Variants in RELN observed in about 807,000 individuals in gnomAD.
RELN encodes reelin.
In RELN, 108 loss-of-function variants were observed where a neutral mutation model predicts 427.6. The observed-to-expected ratio is 0.25, with a 90% CI of 0.22 to 0.30. The LOEUF is 0.30. Among genes scored for constraint, RELN ranks in the 10% least tolerant of loss-of-function variants. RELN has a pLI of 1.00. For synonymous variants in RELN, 1,524 were observed against 1,513.4 expected (o/e 1.01, Z -0.16); for missense variants, 3,715 against 4,302.8 (o/e 0.86, Z 3.82).
At chr7:103,584,934 G>A (rs2117228472) in intron 28 of RELN, among the ~76,000 whole-genome samples, 2 of 152,074 alleles carry the variant, frequency 1.3e-5, no homozygotes, top group South Asian at 4.1e-4. Flanking sequence ...TAAATTACAT[G>A]GAAACTAAAC....
At chr7:103,520,773 G>A (rs1829681125) in intron 48 of RELN, among the ~76,000 whole-genome samples, 1 of 151,926 alleles carries the variant, frequency 6.6e-6, no homozygotes, top group African/African-American at 2.4e-5. Context: ...AGTTCTAAGT[G>A]AGGAAAAGTA....
chr7:103,940,657 C>T (rs558979497), intron 1 of RELN, among the ~76,000 whole-genome samples: 57 of 152,310 alleles, frequency 3.7e-4, no homozygotes, highest in Non-Finnish European at 6.5e-4. Context: ...AGGCATAAAC[C>T]TCTCATATCC....
At chr7:103,880,485 A>C (rs1433828848) in intron 2 of RELN, among the ~76,000 whole-genome samples, 2 of 152,058 alleles carry the variant, frequency 1.3e-5, no homozygotes, top group East Asian at 1.9e-4. Context: ...CATTTGTCTA[A>C]ATTCAGTGGA....
chr7:103,952,622 T>A (rs149157257), intron 1 of RELN, among the ~76,000 whole-genome samples: 1 of 152,244 alleles, frequency 6.6e-6, no homozygotes, highest in South Asian at 2.1e-4. Flanking sequence ...TTGAAATGTG[T>A]CACTGCAAAT....
chr7:103,632,239 T>C (rs60942920), intron 19 of RELN, among the ~76,000 whole-genome samples: 40,721 of 152,116 alleles, frequency 0.27, 5,938 homozygotes, highest in Middle Eastern at 0.42. Flanking sequence ...TTGGCTTCTA[T>C]GTGTCTCAGC....
At chr7:103,501,487 T>C (rs895468925) in intron 52 of RELN, among the ~76,000 whole-genome samples, 4 of 152,236 alleles carry the variant, frequency 2.6e-5, no homozygotes, top group African/African-American at 9.6e-5. Context: ...ATTTCATCTT[T>C]GTTCTTCTCT....
At chr7:103,528,984 A>T (rs973760823) in intron 46 of RELN, among the ~76,000 whole-genome samples, 4 of 151,948 alleles carry the variant, frequency 2.6e-5, no homozygotes, top group African/African-American at 9.7e-5. Flanking sequence ...AAAAATACAA[A>T]AATTAGCTGG....
At chr7:103,858,715 T>C (rs1167463985) in intron 2 of RELN, among the ~76,000 whole-genome samples, 1 of 152,204 alleles carries the variant, frequency 6.6e-6, no homozygotes, top group Non-Finnish European at 1.5e-5. Flanking sequence ...CCTTGATTAC[T>C]CAGGCTTGAA....
chr7:103,589,838 G>A lies in RELN; in HGVS notation c.3913-10C>T, dbSNP rs759409873. 126 of 1,544,484 alleles carry A rather than the reference G, an allele frequency of 8.2e-5. No individual in the cohort carries two copies. The highest frequency in any genetic ancestry group is 1.1e-4 in the Non-Finnish European group (118 of 1,116,850). On this transcript the variant is annotated splice_polypyrimidine_tract_variant and intron_variant, in intron 27 of 64. Coordinates refer to ENST00000428762, the MANE Select transcript of RELN (RefSeq NM_005045.4). ...CACAACCTATGTTTAGCTGTTAAAAGGAAGGACAAGAATTATACAAGATTT... is the reference window on the plus strand; with the variant it reads ...CACAACCTATGTTTAGCTGTTAAAAAGAAGGACAAGAATTATACAAGATTT...
intron 3 of RELN, among the ~76,000 whole-genome samples, chr7:103,822,083 C>T (rs1032353533): frequency 6.6e-6 from 1 of 151,954 alleles, no homozygotes; most frequent in Non-Finnish European, 1.5e-5. Context: ...CATCAATATG[C>T]ACTGATTTAA....
At position 103,642,349 on chromosome 7, in the gene RELN, G is replaced by GTTT. The variant is rs201250403; in HGVS notation, c.2003-1743_2003-1741dup. On this transcript the variant is annotated intron_variant, in intron 16 of 64. Transcript: ENST00000428762. Reference sequence around the variant, plus strand: ...AGTGAAATGGGAGAGATTTCATAGTGTTTTTTTTTTTTTTTTTTGGCAAGT... The same window carrying GTTT: ...AGTGAAATGGGAGAGATTTCATAGTGTTTTTTTTTTTTTTTTTTTTTGGCAAGT... Among the ~76,000 whole-genome samples, 153 of 112,748 alleles carry GTTT rather than the reference G, an allele frequency of 1.4e-3. 2 individuals carry two copies. Among genetic ancestry groups the GTTT allele is most frequent in the South Asian group, 2.5e-3 (8 of 3,230 alleles). 74.0% of individuals were successfully genotyped at this position (112,748 alleles called of 152,430 possible).
chr7:103,584,135 A>G (rs1003171614), intron 28 of RELN, among the ~76,000 whole-genome samples: 2 of 152,224 alleles, frequency 1.3e-5, no homozygotes, highest in Non-Finnish European at 2.9e-5. Flanking sequence ...AAGGTCCCCC[A>G]GTTCTCTAGC....
intron 3 of RELN, among the ~76,000 whole-genome samples, chr7:103,832,202 C>T (rs979202205): frequency 3.3e-5 from 5 of 152,100 alleles, no homozygotes; most frequent in Non-Finnish European, 5.9e-5. Context: ...ACAGGTTTTA[C>T]GGGATTTTGT....
intron 6 of RELN, among the ~76,000 whole-genome samples, chr7:103,742,796 C>A (rs1790702358): frequency 6.6e-6 from 1 of 152,284 alleles, no homozygotes; most frequent in Middle Eastern, 3.4e-3. Flanking sequence ...ACTGGTGTAC[C>A]TGAAGTGACG....
At chr7:103,859,896 A>G (rs772338073) in intron 2 of RELN, among the ~76,000 whole-genome samples, 6 of 152,210 alleles carry the variant, frequency 3.9e-5, no homozygotes, top group Admixed American at 2.6e-4. Context: ...AAGATATCCA[A>G]TGTAAGACAC....
At chr7:103,524,335 G>A (rs936815698) in intron 46 of RELN, among the ~76,000 whole-genome samples, 23 of 147,670 alleles carry the variant, frequency 1.6e-4, no homozygotes, top group African/African-American at 5.3e-4. Context: ...AAATTGTACA[G>A]AGAAAAAAAA....
intron 6 of RELN, among the ~76,000 whole-genome samples, chr7:103,743,285 C>T (rs1790719255): frequency 6.6e-6 from 1 of 152,146 alleles, no homozygotes; most frequent in Non-Finnish European, 1.5e-5. Context: ...AAAGGAACAA[C>T]CGGTACCAGC....
chr7:103,795,866 C>T (rs1563018327), intron 3 of RELN, among the ~76,000 whole-genome samples: 1 of 152,176 alleles, frequency 6.6e-6, no homozygotes, highest in Admixed American at 6.5e-5. Context: ...ACAGCTAGGG[C>T]TCTTGTAAGT....
At chr7:103,659,550 T>G (rs945861203) in intron 12 of RELN, among the ~76,000 whole-genome samples, 2 of 152,138 alleles carry the variant, frequency 1.3e-5, no homozygotes, top group South Asian at 4.1e-4. Context: ...TTCTCTTCCT[T>G]AAATTTAAAT....
Sources: gnomAD v4.1 joint callset for allele counts (sites outside exome capture counted in the v4.1 genomes callset) on GRCh38, gnomAD v4.1.1 for gene constraint, MANE v1.5 for transcripts, NCBI Gene and HGNC (gene_info 2026-07-23, HGNC 2026-07-21) for gene names.